Variants in GABRB3 observed in about 807,000 individuals in gnomAD.
The protein encoded by GABRB3 is gamma-aminobutyric acid receptor subunit beta-3.
In GABRB3, 14 loss-of-function variants were observed where a neutral mutation model predicts 52.1. The ratio of observed to expected loss-of-function variants is 0.27; its 90% confidence interval spans 0.18 to 0.42. The LOEUF is 0.42. Ranked by LOEUF, GABRB3 falls within the 10% of genes least tolerant of loss-of-function variation. GABRB3 has a pLI of 1.00. For synonymous variants in GABRB3, 260 were observed against 232.3 expected (o/e 1.12, Z -1.08); for missense variants, 307 against 609.1 (o/e 0.50, Z 5.22).
chr15:26,750,633 G>A, intron 3 of GABRB3, among the ~76,000 whole-genome samples: 1 of 152,130 alleles, frequency 6.6e-6, no homozygotes, highest in African/African-American at 2.4e-5. Flanking sequence ...TTAAATTTAA[G>A]CTGATTATGA....
chr15:26,656,315 C>T (rs754283340), intron 3 of GABRB3, among the ~76,000 whole-genome samples: 56 of 152,152 alleles, frequency 3.7e-4, no homozygotes, highest in Non-Finnish European at 7.6e-4. Context: ...TCAGTTCATC[C>T]TTCCTAAACT....
chr15:26,705,303 G>A (rs1206167724), intron 3 of GABRB3, among the ~76,000 whole-genome samples: 1 of 152,164 alleles, frequency 6.6e-6, no homozygotes, highest in African/African-American at 2.4e-5. Flanking sequence ...CTCATTCACA[G>A]GGAAGAAGCC....
intron 3 of GABRB3, among the ~76,000 whole-genome samples, chr15:26,631,897 A>G (rs1329092623): frequency 2.6e-5 from 4 of 152,208 alleles, no homozygotes; most frequent in Non-Finnish European, 5.9e-5. Flanking sequence ...ATTATCTACC[A>G]TAGGCCAAGA....
In GABRB3 at chr15:26,736,506, A is replaced by C. The variant is rs75099636; in HGVS notation, c.240+35896T>G. Among the ~76,000 whole-genome samples, 340 of 152,356 alleles carry C rather than the reference A, an allele frequency of 2.2e-3. 2 individuals carry two copies. The highest frequency in any genetic ancestry group is 7.6e-3 in the African/African-American group (317 of 41,578). On this transcript the variant is annotated intron_variant, in intron 3 of 8. Coordinates refer to ENST00000311550, the MANE Select transcript of GABRB3 (RefSeq NM_000814.6). ...TACTCCTTCTGAAATTGTTTGCTAA[A>C]TGTTTGTATCAGGCAACTTCAATCC... is the stretch of plus-strand genomic sequence containing the variant.
chr15:26,625,645 CT>C (rs2063422705), intron 3 of GABRB3: 1 of 216,986 alleles, frequency 4.6e-6, no homozygotes, highest in Admixed American at 6.5e-5. Flanking sequence ...AGCCTTTGTT[CT>C]TTAACCTTAA....
intron 3 of GABRB3, among the ~76,000 whole-genome samples, chr15:26,698,438 G>T (rs1284190816): frequency 6.6e-6 from 1 of 152,008 alleles, no homozygotes; most frequent in African/African-American, 2.4e-5. Flanking sequence ...CACACTCAGG[G>T]AATCACAATT....
intron 6 of GABRB3, 136 bp downstream of exon 6, chr15:26,580,183 T>C: frequency 2.0e-6 from 2 of 997,136 alleles, no homozygotes; most frequent in Admixed American, 1.8e-5. Context: ...AGGAGGGGTG[T>C]GTGTGATGTG....
At chr15:26,633,830 C>A (rs1430205508) in intron 3 of GABRB3, among the ~76,000 whole-genome samples, 1 of 152,196 alleles carries the variant, frequency 6.6e-6, no homozygotes, top group Non-Finnish European at 1.5e-5. Context: ...GACCCCCTTC[C>A]CCTTTCTAAA....
intron 3 of GABRB3, among the ~76,000 whole-genome samples, chr15:26,700,323 T>G (rs1048933139): frequency 5.9e-5 from 9 of 152,202 alleles, no homozygotes; most frequent in African/African-American, 2.2e-4. Context: ...CCTCTATCTA[T>G]CAAAGAAATT....
At chr15:26,615,650 A>C (rs1892226714) in intron 4 of GABRB3, 2 of 688,838 alleles carry the variant, frequency 2.9e-6, no homozygotes, top group Admixed American at 9.5e-5. Flanking sequence ...TACGTCACGG[A>C]CAGCTCATCT....
At chr15:26,724,268 A>C (rs887281142) in intron 3 of GABRB3, among the ~76,000 whole-genome samples, 3 of 152,154 alleles carry the variant, frequency 2.0e-5, no homozygotes, top group Admixed American at 2.0e-4. Context: ...ATCACAGCTG[A>C]GAAATAAAAA....
intron 3 of GABRB3, among the ~76,000 whole-genome samples, chr15:26,699,322 G>A (rs1888849687): frequency 6.6e-6 from 1 of 152,070 alleles, no homozygotes; most frequent in Admixed American, 6.5e-5. Context: ...ATGTTTCCAA[G>A]TAACGTAACT....
At chr15:26,655,095 G>C (rs1325421001) in intron 3 of GABRB3, among the ~76,000 whole-genome samples, 1 of 152,122 alleles carries the variant, frequency 6.6e-6, no homozygotes, top group Admixed American at 6.6e-5. Context: ...TCACTATCTT[G>C]AGATAAGGAT....
intron 3 of GABRB3, among the ~76,000 whole-genome samples, chr15:26,734,904 A>G (rs1890027127): frequency 6.6e-6 from 1 of 152,206 alleles, no homozygotes; most frequent in Admixed American, 6.5e-5. Context: ...CGACACAGCA[A>G]GAACCAGTCA....
intron 3 of GABRB3, among the ~76,000 whole-genome samples, chr15:26,696,824 G>A (rs8039598): frequency 0.024 from 3,632 of 152,230 alleles, 143 homozygotes; most frequent in African/African-American, 0.083. Context: ...TGATGTCAAA[G>A]TGCTCCCACA....
intron 3 of GABRB3, among the ~76,000 whole-genome samples, chr15:26,682,971 C>T (rs1489216756): frequency 1.3e-5 from 2 of 152,172 alleles, no homozygotes; most frequent in Non-Finnish European, 2.9e-5. Flanking sequence ...GGCTGTTGGC[C>T]ACTAGAGAGT....
chr15:26,676,957 G>A (rs1351575399), intron 3 of GABRB3, among the ~76,000 whole-genome samples: 1 of 152,112 alleles, frequency 6.6e-6, no homozygotes, highest in Non-Finnish European at 1.5e-5. Flanking sequence ...TAGAGAAGTG[G>A]CTCATGCCTG....
At chr15:26,645,067 A>G (rs1893311608) in intron 3 of GABRB3, among the ~76,000 whole-genome samples, 1 of 152,182 alleles carries the variant, frequency 6.6e-6, no homozygotes. Flanking sequence ...ACAGAGTGAG[A>G]ACCCCTGTCT....
chr15:26,696,197 A>G (rs1331076949), intron 3 of GABRB3, among the ~76,000 whole-genome samples: 1 of 152,184 alleles, frequency 6.6e-6, no homozygotes, highest in Non-Finnish European at 1.5e-5. Flanking sequence ...ATACTGATAA[A>G]GTAAACAGTG....
Sources: gnomAD v4.1 joint callset for allele counts (sites outside exome capture counted in the v4.1 genomes callset) on GRCh38, gnomAD v4.1.1 for gene constraint, MANE v1.5 for transcripts, NCBI Gene and HGNC (gene_info 2026-07-23, HGNC 2026-07-21) for gene names.